Variants in SDK1 observed in about 807,000 individuals in gnomAD.
The protein encoded by SDK1 is protein sidekick-1.
Under a neutral mutation model 245.5 loss-of-function variants are expected in SDK1, and 157 were observed. The observed-to-expected ratio is 0.64, with a 90% CI of 0.56 to 0.73. The LOEUF (loss-of-function observed/expected upper bound fraction) is 0.73, where lower values mean the gene tolerates loss of function less well. Among genes scored for constraint, SDK1 ranks in the 30% least tolerant of loss-of-function variants. The pLI is 0.00. For missense variants in SDK1, 3,583 were observed against 3,002.3 expected, an observed-to-expected ratio of 1.19 and a Z score of -4.52; for synonymous variants, 1,647 against 1,278.5, an observed-to-expected ratio of 1.29 and a Z score of -6.15.
chr7:3,374,735 C>G (rs538912409), intron 1 of SDK1, among the ~76,000 whole-genome samples: 1 of 152,264 alleles, frequency 6.6e-6, no homozygotes, highest in Admixed American at 6.5e-5. Context: ...CCCACACCCC[C>G]GGTCAACTCT....
At chr7:4,236,822 G>A (rs913316444) in intron 41 of SDK1, among the ~76,000 whole-genome samples, 4 of 152,090 alleles carry the variant, frequency 2.6e-5, no homozygotes, top group Non-Finnish European at 4.4e-5. Context: ...AGCTGTTTTG[G>A]GGGGTGTCCC....
chr7:3,348,478 C>T (rs962987428), intron 1 of SDK1, among the ~76,000 whole-genome samples: 3 of 140,820 alleles, frequency 2.1e-5, no homozygotes, highest in Admixed American at 7.2e-5. Context: ...AACATGTTCT[C>T]GTAAGGGAGA....
In SDK1 at chr7:4,265,615, T is replaced by G. The variant is rs1202647383; in HGVS notation, c.*231T>G. On this transcript the variant is annotated 3_prime_UTR_variant, in exon 45 of 45. Transcript: ENST00000404826. The stretch of plus-strand genomic sequence containing the variant: ...GCAGGTTTGTTTCTTTTTCTTTTCT[T>G]TTTAAGAGAAGGTGTATTTCACTGG... The G allele has an allele frequency of 7.5e-7, 1 of 1,334,052 alleles. No individual in the cohort carries two copies. The highest frequency in any genetic ancestry group is 9.5e-7 in the Non-Finnish European group (1 of 1,051,428). 82.6% of individuals were successfully genotyped at this position (1,334,052 alleles called of 1,614,324 possible). A position where few individuals can be genotyped will look rare whatever the true frequency, so the allele number is the denominator to read the frequency against.
chr7:3,390,059 G>A (rs894786814), intron 1 of SDK1, among the ~76,000 whole-genome samples: 17 of 152,102 alleles, frequency 1.1e-4, no homozygotes, highest in Non-Finnish European at 1.6e-4. Flanking sequence ...AGAGCTCTAC[G>A]GAAAGCAGAA....
At chr7:3,670,269 C>T (rs1034782405) in intron 4 of SDK1, among the ~76,000 whole-genome samples, 2 of 152,164 alleles carry the variant, frequency 1.3e-5, no homozygotes, top group African/African-American at 4.8e-5. Context: ...ATATAAACAG[C>T]AGGGTTTGTG....
chr7:3,333,547 G>C (rs185117247), intron 1 of SDK1, among the ~76,000 whole-genome samples: 1 of 152,056 alleles, frequency 6.6e-6, no homozygotes, highest in African/African-American at 2.4e-5. Flanking sequence ...ACTCAGCCTG[G>C]ATTCCAGGCT....
chr7:3,674,994 G>A (rs1783846440), intron 4 of SDK1, among the ~76,000 whole-genome samples: 1 of 152,124 alleles, frequency 6.6e-6, no homozygotes, highest in Non-Finnish European at 1.5e-5. Flanking sequence ...CTTGGTGTGT[G>A]GGCCATATAA....
At chr7:4,224,015 C>G (rs937488048) in intron 40 of SDK1, among the ~76,000 whole-genome samples, 1 of 152,128 alleles carries the variant, frequency 6.6e-6, no homozygotes, top group African/African-American at 2.4e-5. Context: ...CACCTAAACC[C>G]AACTCTTCAT....
chr7:3,303,027 G>A (rs80233731), intron 1 of SDK1, among the ~76,000 whole-genome samples: 5,998 of 151,074 alleles, frequency 0.04, 357 homozygotes, highest in African/African-American at 0.13. Flanking sequence ...TTTTTTTATT[G>A]ATGCTTATGT....
intron 1 of SDK1, among the ~76,000 whole-genome samples, chr7:3,550,436 C>A (rs941623038): frequency 5.3e-5 from 8 of 152,220 alleles, no homozygotes; most frequent in Non-Finnish European, 1.2e-4. Flanking sequence ...AGTCCTGACG[C>A]TCACTTGACT....
chr7:3,580,214 T>C (rs1044825372), intron 1 of SDK1, among the ~76,000 whole-genome samples: 1 of 152,186 alleles, frequency 6.6e-6, no homozygotes, highest in Admixed American at 6.5e-5. Flanking sequence ...ATGGCCATAA[T>C]ACCCAAAGCA....
intron 1 of SDK1, among the ~76,000 whole-genome samples, chr7:3,336,909 A>G (rs1780216024): frequency 3.9e-5 from 6 of 152,218 alleles, no homozygotes; most frequent in Admixed American, 2.0e-4. Flanking sequence ...CTGAATGTGC[A>G]TACCCACTCA....
intron 5 of SDK1, among the ~76,000 whole-genome samples, chr7:3,856,563 G>A (rs1780551760): frequency 6.6e-6 from 1 of 151,594 alleles, no homozygotes; most frequent in African/African-American, 2.4e-5. Context: ...GGCCGAGGCA[G>A]GTGGATCACC....
chr7:3,834,162 C>G (rs1249056561), intron 5 of SDK1, among the ~76,000 whole-genome samples: 1 of 152,200 alleles, frequency 6.6e-6, no homozygotes, highest in Non-Finnish European at 1.5e-5. Flanking sequence ...GAGTCTCTGT[C>G]TCACTTCTGT....
chr7:4,020,246 C>A lies in SDK1; in HGVS notation c.2602+2894C>A, dbSNP rs17134181. ...ACTATCCCTTGGACGTGGCTGGGGT[C>A]AGGCACGTGGCAGGCAGCAGGAAGG... On this transcript the variant is annotated intron_variant, in intron 17 of 44. Coordinates refer to ENST00000404826, the MANE Select transcript of SDK1 (RefSeq NM_152744.4). 9.7e-3 allele frequency among the ~76,000 whole-genome samples: 1,470 copies of A among 152,168 alleles called. 23 individuals carry two copies. Among genetic ancestry groups the A allele is most frequent in the African/African-American group, 0.034 (1,416 of 41,510 alleles).
chr7:3,613,932 A>G (rs1257125311), intron 1 of SDK1, among the ~76,000 whole-genome samples: 1 of 152,172 alleles, frequency 6.6e-6, no homozygotes, highest in African/African-American at 2.4e-5. Context: ...ATGAGAACAC[A>G]TGGACACAGA....
intron 1 of SDK1, among the ~76,000 whole-genome samples, chr7:3,457,974 C>G (rs1231821431): frequency 6.6e-6 from 1 of 152,322 alleles, no homozygotes; most frequent in Non-Finnish European, 1.5e-5. Context: ...GTAAAAAGTT[C>G]TTGGTTGAAA....
intron 4 of SDK1, among the ~76,000 whole-genome samples, chr7:3,743,869 C>A (rs973663862): frequency 2.6e-5 from 4 of 152,126 alleles, no homozygotes; most frequent in Non-Finnish European, 5.9e-5. Flanking sequence ...TATCTGCCCC[C>A]ATGAATGGAT....
chr7:3,303,568 G>T (rs891516512), intron 1 of SDK1, among the ~76,000 whole-genome samples: 1 of 61,392 alleles, frequency 1.6e-5, no homozygotes, highest in Non-Finnish European at 2.9e-5. Context: ...GGCAACAACC[G>T]AACTTTGTTA....
Sources: allele counts gnomAD v4.1 joint callset (sites outside exome capture counted in the v4.1 genomes callset), GRCh38; gene constraint gnomAD v4.1.1; transcripts MANE v1.5; gene names NCBI Gene and HGNC (gene_info 2026-07-23, HGNC 2026-07-21).